The following PABPC4L variants were observed in gnomAD, a reference collection of about 807,000 sequenced individuals.
PABPC4L encodes poly(A) binding protein cytoplasmic 4 like, also known as polyadenylate-binding protein 4-like.
For synonymous variants in PABPC4L, 169 were observed against 164.1 expected (o/e 1.03, Z -0.23); for missense variants, 452 against 451.4 (o/e 1.00, Z -0.01).
At chr4:134,115,723 T>C in the PABPC4L span, among the ~76,000 whole-genome samples, 2 of 151,806 alleles carry the variant, frequency 1.3e-5, no homozygotes, top group African/African-American at 4.8e-5. Flanking sequence ...AAAATTAGTA[T>C]GGTGATACTA....
At chr4:134,099,807 G>A in the PABPC4L span, among the ~76,000 whole-genome samples, 1 of 151,626 alleles carries the variant, frequency 6.6e-6, no homozygotes, top group Non-Finnish European at 1.5e-5. Context: ...CCCTCCACAC[G>A]AAACCGTAAA....
At chr4:134,065,977 G>T in the PABPC4L span, among the ~76,000 whole-genome samples, 1 of 152,032 alleles carries the variant, frequency 6.6e-6, no homozygotes, top group East Asian at 1.9e-4. Flanking sequence ...CTATGTGTCT[G>T]TTTTTGTGCC....
At chr4:134,011,300 T>C in the PABPC4L span, among the ~76,000 whole-genome samples, 1 of 152,066 alleles carries the variant, frequency 6.6e-6, no homozygotes, top group Non-Finnish European at 1.5e-5. Context: ...CATCAGGAAA[T>C]TAGTTAACAT....
At chr4:134,166,107 C>T in the PABPC4L span, among the ~76,000 whole-genome samples, 24 of 152,172 alleles carry the variant, frequency 1.6e-4, no homozygotes, top group African/African-American at 3.1e-4. Flanking sequence ...AGTGGTACAA[C>T]GGACACCACA....
chr4:134,130,130 A>G, the PABPC4L span, among the ~76,000 whole-genome samples: 1 of 151,882 alleles, frequency 6.6e-6, no homozygotes, highest in Non-Finnish European at 1.5e-5. Context: ...ACATCAAGAA[A>G]CTAGAGAAAC....
At chr4:134,146,174 G>A in the PABPC4L span, among the ~76,000 whole-genome samples, 1 of 151,656 alleles carries the variant, frequency 6.6e-6, no homozygotes, top group Non-Finnish European at 1.5e-5. Flanking sequence ...TTTTGGCTTT[G>A]TGTATCATTT....
At chr4:134,157,478 T>C in the PABPC4L span, among the ~76,000 whole-genome samples, 1 of 151,800 alleles carries the variant, frequency 6.6e-6, no homozygotes, top group Admixed American at 6.6e-5. Context: ...AAGAAGAATG[T>C]GTTGATTTTT....
chr4:134,026,558 C>T, the PABPC4L span, among the ~76,000 whole-genome samples: 1 of 152,186 alleles, frequency 6.6e-6, no homozygotes, highest in South Asian at 2.1e-4. Context: ...ACTAAAACTG[C>T]CATATCCTTG....
the PABPC4L span, among the ~76,000 whole-genome samples, chr4:133,984,090 T>TTTAATTGA: frequency 1.3e-5 from 2 of 151,864 alleles, no homozygotes; most frequent in Non-Finnish European, 3.0e-5. Context: ...AAAATATGTT[T>TTTAATTGA]AAACATGGCA....
chr4:134,129,151 C>T, the PABPC4L span, among the ~76,000 whole-genome samples: 3 of 152,114 alleles, frequency 2.0e-5, no homozygotes, highest in African/African-American at 7.2e-5. Flanking sequence ...ATGCACCTAA[C>T]ACTGGAGCTC....
At chr4:134,178,680 T>C in the PABPC4L span, among the ~76,000 whole-genome samples, 1 of 152,136 alleles carries the variant, frequency 6.6e-6, no homozygotes, top group Admixed American at 6.5e-5. Context: ...AAAAATCAAA[T>C]GGTCATTATA....
chr4:134,138,741 A>T, the PABPC4L span, among the ~76,000 whole-genome samples: 2 of 151,868 alleles, frequency 1.3e-5, no homozygotes, highest in Non-Finnish European at 1.5e-5. Flanking sequence ...TATTATGTAT[A>T]TTCAATAATA....
chr4:134,087,794 C>A, the PABPC4L span, among the ~76,000 whole-genome samples: 1 of 152,258 alleles, frequency 6.6e-6, no homozygotes, highest in Middle Eastern at 3.4e-3. Context: ...TATCTCCCTT[C>A]TTCCTTCCTC....
At chr4:134,171,655 A>G in the PABPC4L span, among the ~76,000 whole-genome samples, 1 of 152,246 alleles carries the variant, frequency 6.6e-6, no homozygotes, top group South Asian at 2.1e-4. Context: ...ATACAGTACT[A>G]TAAGTCCTAG....
At chr4:134,107,213 A>C in the PABPC4L span, among the ~76,000 whole-genome samples, 1 of 151,532 alleles carries the variant, frequency 6.6e-6, no homozygotes, top group African/African-American at 2.4e-5. Flanking sequence ...TTAGGGAAAT[A>C]ATTTAGAAAA....
At position 134,199,754 on chromosome 4, in the gene PABPC4L, A is replaced by T; in HGVS notation, c.*153T>A. ...TCTATTTTTCCACAAAAGAAAAAAA[A>T]TGGCTTTGTATAAAAAACGTTTTAT... On this transcript the variant is annotated 3_prime_UTR_variant, in exon 2 of 2. Transcript: ENST00000421491. The T allele has an allele frequency of 7.3e-6, 7 of 963,418 alleles. No homozygotes were observed. Among genetic ancestry groups the T allele is most frequent in the Non-Finnish European group, 1.0e-5 (7 of 683,778 alleles). 59.7% of individuals were successfully genotyped at this position (963,418 alleles called of 1,614,324 possible).
At chr4:133,959,400 G>T in the PABPC4L span, among the ~76,000 whole-genome samples, 4 of 152,174 alleles carry the variant, frequency 2.6e-5, no homozygotes, top group Admixed American at 6.5e-5. Flanking sequence ...TTTTAGATGA[G>T]ACCTAAGGAT....
chr4:134,079,309 C>T, the PABPC4L span, among the ~76,000 whole-genome samples: 121 of 150,864 alleles, frequency 8.0e-4, no homozygotes, highest in African/African-American at 2.8e-3. Flanking sequence ...CAGCCGGGTG[C>T]GGTGGCTCAC....
chr4:134,175,699 T>C, the PABPC4L span, among the ~76,000 whole-genome samples: 2 of 152,180 alleles, frequency 1.3e-5, no homozygotes, highest in African/African-American at 4.8e-5. Flanking sequence ...TTCACCCGCC[T>C]TGGCTTCCCA....
Sources: gnomAD v4.1 joint callset for allele counts (sites outside exome capture counted in the v4.1 genomes callset) on GRCh38, gnomAD v4.1.1 for gene constraint, MANE v1.5 for transcripts, NCBI Gene and HGNC (gene_info 2026-07-23, HGNC 2026-07-21) for gene names.